The following CFAP299 variants were observed in gnomAD, a reference collection of about 807,000 sequenced individuals.
CFAP299 encodes the protein cilia and flagella associated protein 299.
A neutral mutation model predicts 27.0 loss-of-function variants in CFAP299; 21 were observed. That is an observed-to-expected ratio of 0.78 (90% CI 0.55 to 1.12). CFAP299 has a LOEUF of 1.12. CFAP299 is among the 50% of genes most tolerant of loss of function. The pLI is 0.00. For synonymous variants in CFAP299, 104 were observed against 98.1 expected (o/e 1.06, Z -0.36); for missense variants, 310 against 276.6 (o/e 1.12, Z -0.86).
chr4:80,907,851 T>G (rs1305905066), intron 4 of CFAP299, among the ~76,000 whole-genome samples: 2 of 152,142 alleles, frequency 1.3e-5, no homozygotes. Context: ...GTGTTTTTAT[T>G]ATGAATCTCC....
intron 3 of CFAP299, chr4:80,790,575 T>A (rs1727501929): frequency 6.6e-6 from 1 of 151,336 alleles, no homozygotes; most frequent in African/African-American, 2.4e-5. Flanking sequence ...TAGCTAACTC[T>A]CTCTCTTTTC....
intron 3 of CFAP299, among the ~76,000 whole-genome samples, chr4:80,645,298 GT>G (rs1739946107): frequency 6.6e-6 from 1 of 152,094 alleles, no homozygotes; most frequent in Non-Finnish European, 1.5e-5. Flanking sequence ...TAGAGTTGCA[GT>G]TGAGAATCAT....
At chr4:80,742,916 A>C (rs1724360759) in intron 3 of CFAP299, among the ~76,000 whole-genome samples, 1 of 152,214 alleles carries the variant, frequency 6.6e-6, no homozygotes, top group Admixed American at 6.5e-5. Flanking sequence ...TCTTACAGTA[A>C]ATGCAACTCA....
chr4:80,640,500 C>G (rs780078119), intron 3 of CFAP299, among the ~76,000 whole-genome samples: 2 of 152,128 alleles, frequency 1.3e-5, no homozygotes, highest in Non-Finnish European at 2.9e-5. Flanking sequence ...GAAAATAGTG[C>G]CATGCCCAGA....
chr4:80,942,885 CA>C (rs889645132), intron 4 of CFAP299, among the ~76,000 whole-genome samples: 2 of 152,122 alleles, frequency 1.3e-5, no homozygotes, highest in Admixed American at 1.3e-4. Flanking sequence ...ATATGGATAT[CA>C]AAGTATATTT....
chr4:80,522,482 G>C (rs547149297), intron 2 of CFAP299, among the ~76,000 whole-genome samples: 95 of 152,100 alleles, frequency 6.2e-4, no homozygotes, highest in African/African-American at 2.2e-3. Flanking sequence ...GGTTCCCTTG[G>C]CTGCACAGAA....
At chr4:80,396,475 A>G (rs1725802591) in intron 2 of CFAP299, among the ~76,000 whole-genome samples, 1 of 152,156 alleles carries the variant, frequency 6.6e-6, no homozygotes, top group African/African-American at 2.4e-5. Context: ...AAACATTTGT[A>G]CAGTGTATTT....
chr4:80,504,332 A>G (rs1331496212), intron 2 of CFAP299, among the ~76,000 whole-genome samples: 1 of 151,496 alleles, frequency 6.6e-6, no homozygotes, highest in Admixed American at 6.6e-5. Context: ...AAGTACACAA[A>G]TAAGAGAGCT....
chr4:80,812,445 A>G (rs1251256856), intron 3 of CFAP299, among the ~76,000 whole-genome samples: 2 of 152,122 alleles, frequency 1.3e-5, no homozygotes, highest in Non-Finnish European at 2.9e-5. Context: ...AGATGAGATG[A>G]CACTTAAGAT....
At chr4:80,539,519 GT>G (rs767818093) in intron 2 of CFAP299, among the ~76,000 whole-genome samples, 1 of 152,124 alleles carries the variant, frequency 6.6e-6, no homozygotes, top group Non-Finnish European at 1.5e-5. Flanking sequence ...AGGGCCTTTA[GT>G]TTTCTGGTAC....
chr4:80,800,123 AATATAAATATATT>A (rs1317216850), intron 3 of CFAP299, among the ~76,000 whole-genome samples: 2 of 71,568 alleles, frequency 2.8e-5, no homozygotes, highest in African/African-American at 5.8e-5. Context: ...ATAAGATATT[AATATAAATATATT>A]ATATAAATAT....
intron 3 of CFAP299, among the ~76,000 whole-genome samples, chr4:80,733,809 A>G (rs761621140): frequency 9.2e-5 from 14 of 152,012 alleles, no homozygotes; most frequent in Non-Finnish European, 1.5e-4. Context: ...ATTGTTTTTT[A>G]TGACTGAATA....
intron 3 of CFAP299, among the ~76,000 whole-genome samples, chr4:80,710,129 A>G (rs900792302): frequency 1.3e-5 from 2 of 152,162 alleles, no homozygotes; most frequent in Non-Finnish European, 1.5e-5. Flanking sequence ...AGTTGTCTCC[A>G]GGCTTGAAAA....
chr4:80,894,925 T>C (rs1734540955), intron 4 of CFAP299, among the ~76,000 whole-genome samples: 1 of 151,852 alleles, frequency 6.6e-6, no homozygotes, highest in Non-Finnish European at 1.5e-5. Flanking sequence ...AAAAATACTG[T>C]ATGGTCCCAC....
intron 3 of CFAP299, among the ~76,000 whole-genome samples, chr4:80,661,617 C>T (rs958916322): frequency 1.3e-5 from 2 of 151,994 alleles, no homozygotes; most frequent in African/African-American, 4.8e-5. Flanking sequence ...GGATGAATGT[C>T]GCCTCAGGAC....
At chr4:80,615,777 C>T (rs59433566) in intron 3 of CFAP299, among the ~76,000 whole-genome samples, 12,775 of 152,178 alleles carry the variant, frequency 0.084, 823 homozygotes, top group East Asian at 0.26. Context: ...GGATCCTTCC[C>T]TATTTCATTC....
chr4:80,951,958 G>A (rs866292196), intron 5 of CFAP299, among the ~76,000 whole-genome samples: 1 of 152,088 alleles, frequency 6.6e-6, no homozygotes, highest in Non-Finnish European at 1.5e-5. Context: ...CACCATCACT[G>A]CTATTTTTTC....
intron 2 of CFAP299, among the ~76,000 whole-genome samples, chr4:80,492,560 G>A (rs1255896137): frequency 2.6e-5 from 4 of 152,174 alleles, no homozygotes; most frequent in African/African-American, 9.7e-5. Context: ...TATGGAGTCA[G>A]AGAAATGCAA....
At chr4:80,938,597 T>G (rs1273559725) in intron 4 of CFAP299, among the ~76,000 whole-genome samples, 1 of 152,222 alleles carries the variant, frequency 6.6e-6, no homozygotes, top group African/African-American at 2.4e-5. Flanking sequence ...CTGGAGGCTG[T>G]GAGACCCCTG....
Sources: allele counts gnomAD v4.1 joint callset (sites outside exome capture counted in the v4.1 genomes callset), GRCh38; gene constraint gnomAD v4.1.1; transcripts MANE v1.5; gene names NCBI Gene and HGNC (gene_info 2026-07-23, HGNC 2026-07-21).